Variants in STK17A observed in about 807,000 individuals in gnomAD.
STK17A encodes serine/threonine kinase 17a, also known as serine/threonine-protein kinase 17A.
In STK17A, 26 loss-of-function variants were observed where a neutral mutation model predicts 43.7. That is an observed-to-expected ratio of 0.60 (90% CI 0.44 to 0.83). The LOEUF (loss-of-function observed/expected upper bound fraction) is 0.83, where lower values mean the gene tolerates loss of function less well. Among genes scored for constraint, STK17A ranks in the 40% least tolerant of loss-of-function variants. The probability of loss-of-function intolerance (pLI) is 0.00; values close to 1 mark genes in which losing one functional copy is unlikely to be tolerated. For synonymous variants in STK17A, 191 were observed against 182.5 expected, an observed-to-expected ratio of 1.05 and a Z score of -0.38; for missense variants, 476 against 511.6, an observed-to-expected ratio of 0.93 and a Z score of 0.67.
intron 3 of STK17A, chr7:43,609,614 G>A (rs944971057): frequency 4.6e-5 from 7 of 152,142 alleles, no homozygotes; most frequent in Non-Finnish European, 8.8e-5. Context: ...TTTTCTGATG[G>A]TTACTTTCAT....
chr7:43,598,890 G>T (rs1024914731), intron 2 of STK17A, among the ~76,000 whole-genome samples: 2 of 151,902 alleles, frequency 1.3e-5, no homozygotes, highest in African/African-American at 4.8e-5. Context: ...AGCCTCCTCA[G>T]TAGCTGGGAT....
intron 3 of STK17A, among the ~76,000 whole-genome samples, chr7:43,615,493 GTATTT>G (rs67035889): frequency 0.17 from 25,808 of 151,976 alleles, 2,589 homozygotes; most frequent in East Asian, 0.31. Flanking sequence ...TTGTACTATA[GTATTT>G]TATTAACATA....
chr7:43,608,542 C>T lies in STK17A; in HGVS notation c.564+142C>T. The T allele has an allele frequency of 5.5e-6, 5 of 917,250 alleles. No individual in the cohort carries two copies. The South Asian group carries it at 9.2e-5, about 17-fold the overall frequency. 56.8% of individuals were successfully genotyped at this position (917,250 alleles called of 1,614,324 possible). ...ATTAGAATTGAGTCTTTACTCCTATCCTCTAGCCAGTTAGTTTTATCAGGG... is the reference window on the plus strand; with the variant it reads ...ATTAGAATTGAGTCTTTACTCCTATTCTCTAGCCAGTTAGTTTTATCAGGG... On this transcript the variant is annotated intron_variant, in intron 3 of 6. Coordinates refer to ENST00000319357, the MANE Select transcript of STK17A (RefSeq NM_004760.3).
At chr7:43,610,899 T>C (rs1486787474) in intron 3 of STK17A, among the ~76,000 whole-genome samples, 1 of 152,074 alleles carries the variant, frequency 6.6e-6, no homozygotes, top group Non-Finnish European at 1.5e-5. Context: ...GGCAGATCGC[T>C]TGAGGTCAGG....
At chr7:43,584,983 G>A (rs2082428635) in intron 1 of STK17A, among the ~76,000 whole-genome samples, 1 of 152,276 alleles carries the variant, frequency 6.6e-6, no homozygotes, top group Non-Finnish European at 1.5e-5. Context: ...GATCACCTGA[G>A]GTCAGGAGTT....
At chr7:43,598,805 C>T (rs572142881) in intron 2 of STK17A, among the ~76,000 whole-genome samples, 18 of 151,744 alleles carry the variant, frequency 1.2e-4, no homozygotes, top group African/African-American at 3.6e-4. Context: ...CCTCTGTGAC[C>T]CAGGCTGGAG....
rs2084284607 is a variant in STK17A, at chr7:43,624,600, A to G, written c.1003A>G (p.Lys335Glu). The G allele has an allele frequency of 1.2e-6, 2 of 1,614,166 alleles. No individual in the cohort carries two copies. The highest frequency in any genetic ancestry group is 2.7e-5 in the African/African-American group (2 of 75,064). ...SIQEPSFRMEKALEEANALQE... is the reference protein window; with the variant it reads ...SIQEPSFRMEEALEEANALQE... The stretch of plus-strand genomic sequence containing the variant: ...TCAAGAGCCTTCTTTCAGGATGGAA[A>G]AGGCACTAGAAGAAGCAAATGCCCT... The change falls in exon 7 of 7, where the codon AAG (lysine) becomes GAG (glutamate). Residue 335 changes from lysine to glutamate, a missense_variant. By Grantham distance (56) the Lys-to-Glu change is moderately conservative (BLOSUM62 1). This residue lies in a region of STK17A where 110 missense variants were observed against 103.7 expected (regional missense o/e 1.06). Coordinates refer to ENST00000319357, the MANE Select transcript of STK17A (RefSeq NM_004760.3).
rs753703135 is a variant in STK17A, at chr7:43,585,414, A to T, written c.206+1965A>T. On this transcript the variant is annotated intron_variant, in intron 1 of 6. Transcript: ENST00000319357. ...CAACTTTTGTTTTAAACTCCATTAT[A>T]AAATTAGCTTTCCGATCAGGTTTTT... Among the ~76,000 whole-genome samples, 9 of 151,524 alleles carry T rather than the reference A, an allele frequency of 5.9e-5. 1 individual carries two copies. Among genetic ancestry groups the T allele is most frequent in the Non-Finnish European group, 8.9e-5 (6 of 67,566 alleles).
intron 1 of STK17A, among the ~76,000 whole-genome samples, chr7:43,590,170 T>C (rs1318158482): frequency 6.6e-6 from 1 of 151,138 alleles, no homozygotes; most frequent in African/African-American, 2.4e-5. Context: ...GGTCTCGAAC[T>C]CCTGGGCTCA....
intron 2 of STK17A, 57 bp from the exon 3 acceptor site, chr7:43,608,199 G>A: frequency 6.6e-7 from 1 of 1,513,614 alleles, no homozygotes; most frequent in Admixed American, 2.1e-5. Flanking sequence ...TAGTTTTGGT[G>A]TAAGTGTTCG....
chr7:43,624,922 A>C lies in STK17A; in HGVS notation c.*80A>C. The C allele has an allele frequency of 8.0e-7, 1 of 1,251,906 alleles. No individual in the cohort carries two copies. The highest frequency in any genetic ancestry group is 1.5e-5 in the South Asian group (1 of 66,078). 77.5% of individuals were successfully genotyped at this position (1,251,906 alleles called of 1,614,324 possible). A position where few individuals can be genotyped will look rare whatever the true frequency, so the allele number is the denominator to read the frequency against. On this transcript the variant is annotated 3_prime_UTR_variant, in exon 7 of 7. Coordinates refer to ENST00000319357, the MANE Select transcript of STK17A (RefSeq NM_004760.3). ...TTATGGACCTCTGGCCAAATGGTACATGTACTGGAAGTGGATAACCAGTAT... is the reference window on the plus strand; with the variant it reads ...TTATGGACCTCTGGCCAAATGGTACCTGTACTGGAAGTGGATAACCAGTAT...
At chr7:43,613,885 CA>C (rs35978037) in intron 3 of STK17A, among the ~76,000 whole-genome samples, 2 of 151,844 alleles carry the variant, frequency 1.3e-5, no homozygotes, top group Non-Finnish European at 2.9e-5. Context: ...AAATTAATTT[CA>C]AAAAAAGTAG....
intron 3 of STK17A, among the ~76,000 whole-genome samples, chr7:43,612,073 A>G (rs1333864699): frequency 6.6e-6 from 1 of 152,234 alleles, no homozygotes; most frequent in African/African-American, 2.4e-5. Context: ...TTCAGTATCA[A>G]TCATATTCCT....
chr7:43,612,674 T>C (rs1197629726), intron 3 of STK17A, among the ~76,000 whole-genome samples: 1 of 152,194 alleles, frequency 6.6e-6, no homozygotes, highest in African/African-American at 2.4e-5. Context: ...TAGTTGCTTC[T>C]ATTAAGGATA....
At chr7:43,620,731 A>G (rs2083802430) in intron 4 of STK17A, among the ~76,000 whole-genome samples, 1 of 152,114 alleles carries the variant, frequency 6.6e-6, no homozygotes, top group African/African-American at 2.4e-5. Context: ...AGCTCTTTGT[A>G]ATTATGAGGC....
intron 1 of STK17A, among the ~76,000 whole-genome samples, chr7:43,588,144 CCTGTT>C (rs1422107038): frequency 6.6e-6 from 1 of 151,352 alleles, no homozygotes; most frequent in Non-Finnish European, 1.5e-5. Context: ...CTCCAGAACT[CCTGTT>C]CTGATATTTT....
At chr7:43,620,371 G>A (rs2083755044) in intron 4 of STK17A, among the ~76,000 whole-genome samples, 1 of 152,184 alleles carries the variant, frequency 6.6e-6, no homozygotes, top group Admixed American at 6.5e-5. Flanking sequence ...GTTGTGACCA[G>A]AGATTAGATT....
chr7:43,619,251 G>C (rs894150440), intron 3 of STK17A, among the ~76,000 whole-genome samples: 2 of 152,190 alleles, frequency 1.3e-5, no homozygotes, highest in African/African-American at 4.8e-5. Flanking sequence ...AATTGTGCTT[G>C]ACCATGCTTT....
chr7:43,620,292 G>A (rs903473792), intron 4 of STK17A, among the ~76,000 whole-genome samples: 1 of 152,204 alleles, frequency 6.6e-6, no homozygotes, highest in Non-Finnish European at 1.5e-5. Flanking sequence ...AGGAAAATTG[G>A]AGTTTGAAAG....
Sources: gnomAD v4.1 joint callset for allele counts (sites outside exome capture counted in the v4.1 genomes callset) on GRCh38, gnomAD v4.1.1 for gene constraint, gnomAD v4.1.1 regional missense constraint, MANE v1.5 for transcripts, NCBI Gene and HGNC (gene_info 2026-07-23, HGNC 2026-07-21) for gene names.